Variants in CDH26 observed in about 807,000 individuals in gnomAD.
CDH26 encodes cadherin-like protein 26.
In CDH26, 83 loss-of-function variants were observed where a neutral mutation model predicts 90.3. That is an observed-to-expected ratio of 0.92 (90% CI 0.77 to 1.10). CDH26 has a LOEUF of 1.10. Among genes scored for constraint, CDH26 ranks in the 50% least tolerant of loss-of-function variants. The probability of loss-of-function intolerance (pLI) is 0.00; values close to 1 mark genes in which losing one functional copy is unlikely to be tolerated. For missense variants in CDH26, 1,013 were observed against 1,037.6 expected (o/e 0.98, Z 0.33); for synonymous variants, 397 against 396.3 (o/e 1.00, Z -0.02).
At chr20:60,002,989 C>G in intron 16 of CDH26, 123 bp downstream of exon 16, 1 of 581,642 alleles carries the variant, frequency 1.7e-6, no homozygotes, top group Non-Finnish European at 2.8e-6. Flanking sequence ...ATATGCCCAA[C>G]ATCCAAGCAA....
chr20:59,986,805 T>C (rs904943258), intron 7 of CDH26, among the ~76,000 whole-genome samples: 2 of 152,116 alleles, frequency 1.3e-5, no homozygotes, highest in African/African-American at 4.8e-5. Context: ...AAAAAAAACC[T>C]GTATAAACCA....
chr20:60,004,765 C>CAAAAAA (rs140015980), intron 16 of CDH26, among the ~76,000 whole-genome samples: 25 of 47,854 alleles, frequency 5.2e-4, no homozygotes, highest in Non-Finnish European at 5.6e-4. Context: ...GACTCCATCT[C>CAAAAAA]AAAAAAAAAA....
At chr20:60,005,042 CT>C (rs1421604464) in intron 16 of CDH26, among the ~76,000 whole-genome samples, 1 of 151,754 alleles carries the variant, frequency 6.6e-6, no homozygotes, top group African/African-American at 2.4e-5. Context: ...AACCCTTCTT[CT>C]CCCTCCTCCT....
chr20:59,965,983 T>C (rs1351688190), intron 1 of CDH26, among the ~76,000 whole-genome samples: 3 of 152,112 alleles, frequency 2.0e-5, no homozygotes, highest in Non-Finnish European at 4.4e-5. Context: ...AAAGAAACTA[T>C]TGCTATTATA....
Position 59,996,728 on chromosome 20 carries a change from G to A in CDH26, c.1986G>A (p.Met662Ile). Residue 662 changes from methionine to isoleucine, a missense_variant, in exon 13 of 18, where the codon ATG (methionine) becomes ATA (isoleucine). By Grantham distance (10) the Met-to-Ile change is conservative. Coordinates refer to ENST00000348616, the MANE Select transcript of CDH26 (RefSeq NM_177980.4). The part of the protein sequence containing the change: ...SNDEGHQTLV[M>I]YNAESKGTSA... ...ATGAAGGCCACCAAACACTGGTCAT[G>A]TATAATGCGGAGAGCAAAGGCACTT... 3 of 1,614,226 alleles carry A rather than the reference G, an allele frequency of 1.9e-6. No individual in the cohort carries two copies. The highest frequency in any genetic ancestry group is 2.5e-6 in the Non-Finnish European group (3 of 1,180,040).
At chr20:60,034,133 T>C (rs3761267), downstream of CDH26, 732 of 152,684 alleles carry the variant, frequency 4.8e-3, 22 homozygotes, top group East Asian at 0.083. Flanking sequence ...ATAGCAAAGG[T>C]GGGAAGCCCA....
intron 3 of CDH26, among the ~76,000 whole-genome samples, chr20:59,970,485 G>A (rs1389691310): frequency 1.4e-5 from 2 of 142,022 alleles, no homozygotes; most frequent in African/African-American, 6.0e-5. Flanking sequence ...CCATGCAGAG[G>A]CTTTTTTTTT....
intron 7 of CDH26, among the ~76,000 whole-genome samples, chr20:60,026,363 GA>G (rs1467082625): frequency 4.0e-5 from 6 of 150,568 alleles, no homozygotes; most frequent in Admixed American, 6.6e-5. Flanking sequence ...GAGCCCACGA[GA>G]GTGGAGACAG....
intron 4 of CDH26, among the ~76,000 whole-genome samples, chr20:59,975,838 C>T (rs888603499): frequency 6.6e-6 from 1 of 151,968 alleles, no homozygotes; most frequent in Admixed American, 6.6e-5. Flanking sequence ...CTAAAACCAG[C>T]CAAAAGAAAA....
chr20:59,986,780 G>A (rs574006237), intron 7 of CDH26, among the ~76,000 whole-genome samples: 17 of 152,060 alleles, frequency 1.1e-4, no homozygotes, highest in Middle Eastern at 3.4e-3. Context: ...TTTTTAAAAG[G>A]TGTCGTTTAA....
chr20:59,974,176 T>C (rs2061299087), intron 4 of CDH26, among the ~76,000 whole-genome samples: 1 of 152,242 alleles, frequency 6.6e-6, no homozygotes, highest in African/African-American at 2.4e-5. Flanking sequence ...ATATGCTTAC[T>C]GGCCACAAGT....
chr20:59,983,043 A>C lies in CDH26; in HGVS notation c.514A>C (p.Ile172Leu). The change falls in exon 5 of 18, where the codon ATC becomes CTC. Residue 172 changes from isoleucine to leucine, a missense_variant. Coordinates refer to ENST00000348616, the MANE Select transcript of CDH26 (RefSeq NM_177980.4). ...APQFPEKEFN[I>L]TVQENQSAGQ... is the part of the protein sequence containing the mutation. Reference sequence around the variant, plus strand: ...CCAGTTTCCAGAGAAGGAATTTAACATCACTGTGCAAGAAAACCAATCTGC... The same window carrying C: ...CCAGTTTCCAGAGAAGGAATTTAACCTCACTGTGCAAGAAAACCAATCTGC... 6.2e-7 allele frequency: 1 copy of C among 1,614,054 alleles called. No individual in the cohort carries two copies. Among genetic ancestry groups the C allele is most frequent in the Non-Finnish European group, 8.5e-7 (1 of 1,179,970 alleles).
rs369944644 is a variant in CDH26 at position 59,992,488 on chromosome 20, T to A, written c.1394T>A (p.Phe465Tyr). 2.5e-6 allele frequency: 4 copies of A among 1,614,036 alleles called. No individual in the cohort carries two copies. The African/African-American group carries it at 5.3e-5, about 22-fold the overall frequency. Residue 465 changes from phenylalanine (F) to tyrosine (Y), a missense_variant, in exon 10 of 18, where the codon TTT becomes TAT. Physicochemically the swap from Phe to Tyr is conservative, Grantham distance 22. Transcript: ENST00000348616. This position sits in a 1 kb window ranked among gnomAD's most constrained non-coding sequence, Gnocchi z 5.0. ...DRESPHVNNS[F>Y]YVIIIHAVDD... ...GAATCCCCTCATGTAAATAACAGTT[T>A]TTATGTAATCATCATTCACGCTGTT...
At chr20:59,999,159 A>G (rs1374830987) in intron 13 of CDH26, among the ~76,000 whole-genome samples, 1 of 152,202 alleles carries the variant, frequency 6.6e-6, no homozygotes, top group Non-Finnish European at 1.5e-5. Flanking sequence ...ACAGAAATCC[A>G]GCACCCATCA....
At chr20:59,964,014 G>A (rs529715674) in intron 1 of CDH26, among the ~76,000 whole-genome samples, 1 of 152,272 alleles carries the variant, frequency 6.6e-6, no homozygotes, top group South Asian at 2.1e-4. Flanking sequence ...CCTTTCCTAT[G>A]GCTAGTCATT....
chr20:59,988,404 C>T (rs2061484357), intron 8 of CDH26, among the ~76,000 whole-genome samples: 1 of 152,226 alleles, frequency 6.6e-6, no homozygotes, highest in Admixed American at 6.5e-5. Context: ...ATTTGACCAG[C>T]TCCCAGGGGA....
chr20:59,988,408 C>T (rs2061484413), intron 8 of CDH26, among the ~76,000 whole-genome samples: 1 of 152,214 alleles, frequency 6.6e-6, no homozygotes, highest in Non-Finnish European at 1.5e-5. Context: ...GACCAGCTCC[C>T]AGGGGATGCT....
In CDH26 at chr20:60,032,561, C is replaced by T. The variant is rs371212927; in HGVS notation, c.1144-925C>T. Among the ~76,000 whole-genome samples the T allele has an allele frequency of 4.6e-5, 7 of 152,068 alleles. No individual in the cohort carries two copies. The East Asian group carries it at 1.2e-3, about 25-fold the overall frequency. ...GACACATGCACACGTATGTTTATTG[C>T]GGCATTATTCACAATAGCAAAGACT... On this transcript the variant is annotated intron_variant, in intron 8 of 8. Transcript: ENST00000370991.
chr20:59,988,947 T>C lies in CDH26; in HGVS notation c.1067T>C (p.Val356Ala), dbSNP rs201966863. The C allele has an allele frequency of 4.5e-5, 72 of 1,614,124 alleles. No individual in the cohort carries two copies. The highest frequency in any genetic ancestry group is 5.8e-5 in the Non-Finnish European group (68 of 1,180,034). ...ETRPAQSLII[V>A]VENEERLVFC... is the part of the protein sequence containing the mutation. ...CGCCCAGCGCAAAGCCTCATCATTG[T>C]CGTGGAGAATGAGGAGAGGCTCGTC... The change falls in exon 9 of 18, where the codon GTC (valine) becomes GCC (alanine). Residue 356 changes from valine to alanine, a missense_variant. Val to Ala is a moderately conservative substitution (Grantham distance 64). Coordinates refer to ENST00000348616, the MANE Select transcript of CDH26 (RefSeq NM_177980.4).
Sources: allele counts gnomAD v4.1 joint callset (sites outside exome capture counted in the v4.1 genomes callset), GRCh38; gene constraint gnomAD v4.1.1; non-coding constraint Gnocchi (gnomAD v3.1); transcripts MANE v1.5; gene names NCBI Gene and HGNC (gene_info 2026-07-23, HGNC 2026-07-21).